TBC1D1: variants seen among roughly 807,000 people sequenced by gnomAD.
TBC1D1 encodes the protein TBC1 domain family member 1.
A neutral mutation model predicts 125.6 loss-of-function variants in TBC1D1; 89 were observed. The observed-to-expected ratio is 0.71, with a 90% CI of 0.60 to 0.85. TBC1D1 has a LOEUF of 0.85. Ranked by LOEUF, TBC1D1 falls within the 40% of genes least tolerant of loss-of-function variation. The pLI is 0.00. For missense variants in TBC1D1, 1,377 were observed against 1,469.2 expected (o/e 0.94, Z 1.03); for synonymous variants, 565 against 564.1 (o/e 1.00, Z -0.02).
chr4:38,008,890 A>T (rs1057339363), intron 2 of TBC1D1, among the ~76,000 whole-genome samples: 4 of 152,190 alleles, frequency 2.6e-5, no homozygotes, highest in Admixed American at 2.0e-4. Flanking sequence ...GTCAGAGGGA[A>T]TCATGTCTTA....
At chr4:38,002,548 A>G (rs768805182) in intron 2 of TBC1D1, among the ~76,000 whole-genome samples, 1 of 152,222 alleles carries the variant, frequency 6.6e-6, no homozygotes, top group Non-Finnish European at 1.5e-5. Flanking sequence ...CTTTGAAGTC[A>G]TTAGATCGTT....
intron 2 of TBC1D1, among the ~76,000 whole-genome samples, chr4:37,946,851 T>C (rs1228325129): frequency 6.6e-6 from 1 of 152,208 alleles, no homozygotes; most frequent in African/African-American, 2.4e-5. Flanking sequence ...ACTCCTTTCC[T>C]TGGTATTTAC....
At chr4:38,087,370 G>GA (rs1757666606) in intron 12 of TBC1D1, among the ~76,000 whole-genome samples, 1 of 152,210 alleles carries the variant, frequency 6.6e-6, no homozygotes. Flanking sequence ...TCTACTGTTA[G>GA]GAATGTTCCA....
At chr4:38,101,104 T>G (rs1560790201) in intron 14 of TBC1D1, among the ~76,000 whole-genome samples, 1 of 152,198 alleles carries the variant, frequency 6.6e-6, no homozygotes, top group Admixed American at 6.5e-5. Flanking sequence ...ATAACGTGCA[T>G]GGAATGGCGA....
chr4:37,931,072 G>T (rs1683335099), intron 2 of TBC1D1, among the ~76,000 whole-genome samples: 1 of 150,434 alleles, frequency 6.6e-6, no homozygotes, highest in Admixed American at 6.7e-5. Flanking sequence ...AGATACTTAT[G>T]TTTTGGGTTT....
chr4:38,133,039 G>T, intron 18 of TBC1D1, 45 bp from the exon 21 acceptor site: 1 of 1,569,794 alleles, frequency 6.4e-7, no homozygotes, highest in Non-Finnish European at 8.6e-7. Flanking sequence ...TACTTGTGGG[G>T]TTTTTCTCAG....
intron 2 of TBC1D1, among the ~76,000 whole-genome samples, chr4:37,917,336 G>A (rs1241306842): frequency 2.0e-5 from 3 of 152,032 alleles, no homozygotes; most frequent in East Asian, 3.9e-4. Context: ...TTAGCTGGGC[G>A]TGGTGGCAGG....
intron 13 of TBC1D1, among the ~76,000 whole-genome samples, chr4:38,095,472 A>G (rs950025794): frequency 6.6e-6 from 1 of 152,246 alleles, no homozygotes; most frequent in Non-Finnish European, 1.5e-5. Context: ...AATGGGACCC[A>G]TGGTAGAAGC....
intron 2 of TBC1D1, among the ~76,000 whole-genome samples, chr4:37,999,514 G>GC (rs1738556006): frequency 6.6e-6 from 1 of 152,126 alleles, no homozygotes; most frequent in Admixed American, 6.5e-5. Context: ...ACAGCATCCT[G>GC]CCCCCAGCGC....
intron 14 of TBC1D1, among the ~76,000 whole-genome samples, 152 bp from the exon 17 acceptor site, chr4:38,102,844 GCAC>G (rs1760614861): frequency 6.7e-6 from 1 of 150,322 alleles, no homozygotes; most frequent in African/African-American, 2.5e-5. Flanking sequence ...TTGTGCCTCT[GCAC>G]TGCAGCTCGG....
At position 38,083,168 on chromosome 4, in the gene TBC1D1, C is replaced by T. The variant is rs1489222192; in HGVS notation, c.2051-6764C>T. On this transcript the variant is annotated intron_variant, in intron 12 of 19. Coordinates refer to ENST00000261439, the MANE Select transcript of TBC1D1 (RefSeq NM_015173.4). ...TCTGATCCACTAGGCTGTGCACTCC[C>T]TGCCTGCCAGGATATGGTTAAAGTG... Among the ~76,000 whole-genome samples, 7 of 152,266 alleles carry T rather than the reference C, an allele frequency of 4.6e-5. No individual in the cohort carries two copies. The East Asian group carries it at 7.7e-4, about 17-fold the overall frequency.
intron 15 of TBC1D1, among the ~76,000 whole-genome samples, chr4:38,112,473 T>C (rs901499820): frequency 2.6e-5 from 4 of 152,228 alleles, no homozygotes; most frequent in Admixed American, 1.3e-4. Flanking sequence ...TTGCCCATTA[T>C]TGAACACCAT....
rs111328536 is a variant in TBC1D1, at chr4:37,941,465, A to C, written c.417+38953A>C. On this transcript the variant is annotated intron_variant, in intron 2 of 19. Transcript: ENST00000261439. ...GTCTATCAATTTTATCGATCTTTTCAAAAAACCAGCTGCTAGATTCATTGA... is the reference window on the plus strand; with the variant it reads ...GTCTATCAATTTTATCGATCTTTTCCAAAAACCAGCTGCTAGATTCATTGA... 4.7e-3 allele frequency among the ~76,000 whole-genome samples: 719 copies of C among 152,212 alleles called. 9 individuals carry two copies. Among genetic ancestry groups the C allele is most frequent in the African/African-American group, 0.016 (679 of 41,506 alleles).
intron 2 of TBC1D1, among the ~76,000 whole-genome samples, chr4:37,994,928 A>G (rs1578195020): frequency 6.7e-6 from 1 of 148,716 alleles, no homozygotes; most frequent in South Asian, 2.2e-4. Context: ...ATGGGTGATT[A>G]GAGCTGAGGG....
intron 2 of TBC1D1, among the ~76,000 whole-genome samples, chr4:37,973,619 G>A (rs993774583): frequency 6.6e-6 from 1 of 152,090 alleles, no homozygotes; most frequent in African/African-American, 2.4e-5. Context: ...GATGACATTT[G>A]TCCTGGGTTC....
intron 2 of TBC1D1, among the ~76,000 whole-genome samples, chr4:37,908,973 G>A (rs538191665): frequency 1.3e-5 from 2 of 152,152 alleles, no homozygotes; most frequent in African/African-American, 4.8e-5. Context: ...ATGATTCTTG[G>A]CAATGAAGCT....
chr4:37,917,360 A>G (rs1719958147), intron 2 of TBC1D1, among the ~76,000 whole-genome samples: 1 of 152,080 alleles, frequency 6.6e-6, no homozygotes, highest in African/African-American at 2.4e-5. Context: ...CTGTAATCCC[A>G]GCTACTCGGG....
intron 12 of TBC1D1, among the ~76,000 whole-genome samples, chr4:38,087,954 C>T (rs1217710188): frequency 6.7e-6 from 1 of 148,690 alleles, no homozygotes; most frequent in African/African-American, 2.5e-5. Flanking sequence ...GTTCTCTTGA[C>T]GCACACGAGA....
chr4:38,091,469 TG>T (rs1758415207), intron 13 of TBC1D1, among the ~76,000 whole-genome samples: 1 of 152,262 alleles, frequency 6.6e-6, no homozygotes, highest in African/African-American at 2.4e-5. Context: ...ATGGCATTAC[TG>T]CATGTGTCAT....
Sources: gnomAD v4.1 joint callset for allele counts (sites outside exome capture counted in the v4.1 genomes callset) on GRCh38, gnomAD v4.1.1 for gene constraint, MANE v1.5 for transcripts, NCBI Gene and HGNC (gene_info 2026-07-23, HGNC 2026-07-21) for gene names.